The following GDA variants were observed in gnomAD, a reference collection of about 807,000 sequenced individuals.
GDA encodes guanine deaminase, also known as cytoplasmic PSD-95 interactor.
Under a neutral mutation model 59.6 loss-of-function variants are expected in GDA, and 18 were observed. That is an observed-to-expected ratio of 0.30 (90% CI 0.21 to 0.45). The LOEUF is 0.45. Ranked by LOEUF, GDA falls within the 20% of genes least tolerant of loss-of-function variation. The pLI is 1.00. For synonymous variants in GDA, 201 were observed against 201.1 expected, an observed-to-expected ratio of 1.00 and a Z score of 0.00; for missense variants, 427 against 552.3, an observed-to-expected ratio of 0.77 and a Z score of 2.27.
chr9:72,151,612 G>A (rs967756078), intron 1 of GDA, among the ~76,000 whole-genome samples: 1 of 148,568 alleles, frequency 6.7e-6, no homozygotes, highest in African/African-American at 2.5e-5. Context: ...GTTTTTTTTT[G>A]TTTGTTTTTT....
chr9:72,160,539 C>T (rs939841344), intron 1 of GDA, among the ~76,000 whole-genome samples: 2 of 152,168 alleles, frequency 1.3e-5, no homozygotes, highest in African/African-American at 2.4e-5. Context: ...AAAGCTCATC[C>T]ATGTTGTGGC....
chr9:72,211,137 A>T (rs1835304210), intron 4 of GDA, among the ~76,000 whole-genome samples: 1 of 152,208 alleles, frequency 6.6e-6, no homozygotes, highest in East Asian at 1.9e-4. Flanking sequence ...ATATCAGCAG[A>T]TACATGGTGG....
In GDA at chr9:72,227,969, C is replaced by T. The variant is rs1325814709; in HGVS notation, c.849C>T (p.Leu283=). 6.2e-7 allele frequency: 1 copy of T among 1,607,560 alleles called. No homozygotes were observed. The highest frequency in any genetic ancestry group is 2.2e-5 in the East Asian group (1 of 44,860). ...CAGTGATGGCACACGGCTGCTACCT[C>T]TCTGCAGAAGAACTGAACGTATTCC... ...NKTVMAHGCY[L]SAEELNVFHE... The change falls in exon 9 of 14, where the codon CTC becomes CTT. Residue 283 remains leucine, a synonymous_variant. Coordinates refer to ENST00000358399, the MANE Select transcript of GDA (RefSeq NM_004293.5).
intron 1 of GDA, among the ~76,000 whole-genome samples, chr9:72,178,792 A>G (rs1030417857): frequency 2.6e-5 from 4 of 152,126 alleles, no homozygotes; most frequent in Non-Finnish European, 5.9e-5. Context: ...ATCAAGTCTC[A>G]TATGTCTTTA....
Position 72,249,479 on chromosome 9 carries a change from A to T in GDA, c.*1137A>T. ...TGTTTAACTCCTTATAATGTTTAGG[A>T]TATTAAAATTTTAGGATAATGAAGA... is the stretch of plus-strand genomic sequence containing the variant. On this transcript the variant is annotated 3_prime_UTR_variant, in exon 14 of 14. Coordinates refer to ENST00000358399, the MANE Select transcript of GDA (RefSeq NM_004293.5). 1.4e-6 allele frequency: 1 copy of T among 734,234 alleles called. No individual in the cohort carries two copies. Among genetic ancestry groups the T allele is most frequent in the Non-Finnish European group, 1.7e-6 (1 of 600,934 alleles). 45.5% of individuals were successfully genotyped at this position (734,234 alleles called of 1,614,324 possible).
rs750165129 is a variant in GDA at position 72,140,018 on chromosome 9, T to C, written c.-100+25185T>C. Reference sequence around the variant, plus strand: ...CCCATTCACCTTCTTCTGGACACTATATTCCAAGTTCTCTAGGGAACCCCG... The same window carrying C: ...CCCATTCACCTTCTTCTGGACACTACATTCCAAGTTCTCTAGGGAACCCCG... On this transcript the variant is annotated intron_variant, in intron 1 of 13. Transcript: ENST00000545168. Among the ~76,000 whole-genome samples, 39 of 152,152 alleles carry C rather than the reference T, an allele frequency of 2.6e-4. 1 individual carries two copies. The highest frequency in any genetic ancestry group is 5.9e-5 in the Non-Finnish European group (4 of 68,018).
chr9:72,148,875 G>A (rs527443636), upstream of GDA, among the ~76,000 whole-genome samples: 2 of 152,202 alleles, frequency 1.3e-5, no homozygotes, highest in South Asian at 4.1e-4. Flanking sequence ...CATTTTACAC[G>A]AGAAAAATTG....
chr9:72,247,276 T>G lies in GDA; in HGVS notation c.1267-130T>G, dbSNP rs1840249725. The stretch of plus-strand genomic sequence containing the variant: ...AGCACATAGCCACTTCTTTTTTAAT[T>G]AATAGAAGTAGATTTTGCCATTGAG... On this transcript the variant is annotated intron_variant, in intron 12 of 13. Coordinates refer to ENST00000358399, the MANE Select transcript of GDA (RefSeq NM_004293.5). 5.5e-6 allele frequency: 4 copies of G among 722,188 alleles called. No homozygotes were observed. The Admixed American group carries it at 8.1e-5, about 15-fold the overall frequency. 44.7% of individuals were successfully genotyped at this position (722,188 alleles called of 1,614,324 possible).
upstream of GDA, among the ~76,000 whole-genome samples, chr9:72,149,112 T>G (rs538751099): frequency 6.2e-4 from 94 of 152,334 alleles, 2 homozygotes; most frequent in South Asian, 0.019. Context: ...ACCTTTCACC[T>G]GTGCCTGAAC....
intron 1 of GDA, among the ~76,000 whole-genome samples, chr9:72,150,481 G>T (rs770110197): frequency 1.3e-5 from 2 of 152,078 alleles, no homozygotes; most frequent in Non-Finnish European, 1.5e-5. Context: ...GTAACTTGAT[G>T]TCTACTATTT....
At chr9:72,123,612 C>A (rs141847232) in intron 1 of GDA, among the ~76,000 whole-genome samples, 144 of 151,824 alleles carry the variant, frequency 9.5e-4, no homozygotes, top group Middle Eastern at 3.4e-3. Flanking sequence ...CTCAGCCTCC[C>A]GAGTAGTTGG....
chr9:72,152,153 G>A (rs996744114), intron 1 of GDA, among the ~76,000 whole-genome samples: 1 of 152,180 alleles, frequency 6.6e-6, no homozygotes, highest in African/African-American at 2.4e-5. Flanking sequence ...TAGTTTCTGT[G>A]ATGGGACAAG....
At chr9:72,196,951 T>C (rs1289863908) in intron 2 of GDA, among the ~76,000 whole-genome samples, 1 of 152,226 alleles carries the variant, frequency 6.6e-6, no homozygotes, top group Non-Finnish European at 1.5e-5. Flanking sequence ...TAAAATATTT[T>C]ATCTTGTTTC....
intron 8 of GDA, among the ~76,000 whole-genome samples, chr9:72,226,014 T>TGC (rs112320111): frequency 1.4e-5 from 2 of 144,696 alleles, no homozygotes; most frequent in African/African-American, 2.6e-5. Context: ...TGTGTGTGTG[T>TGC]GCGTGTGTGT....
chr9:72,184,017 C>T (rs1199569368), intron 1 of GDA, among the ~76,000 whole-genome samples: 1 of 152,160 alleles, frequency 6.6e-6, no homozygotes, highest in Non-Finnish European at 1.5e-5. Flanking sequence ...ATTACTATTA[C>T]AAATCTTGAA....
chr9:72,176,906 G>C (rs908272924), intron 1 of GDA, among the ~76,000 whole-genome samples: 7 of 151,960 alleles, frequency 4.6e-5, no homozygotes, highest in Admixed American at 2.0e-4. Flanking sequence ...TTCTGATTCA[G>C]TTTATCCTTC....
intron 1 of GDA, among the ~76,000 whole-genome samples, chr9:72,116,702 C>T (rs1587283383): frequency 2.6e-5 from 4 of 152,138 alleles, no homozygotes; most frequent in Middle Eastern, 3.4e-3. Context: ...GTTTTCTATC[C>T]TCAATGATCT....
intron 2 of GDA, among the ~76,000 whole-genome samples, chr9:72,201,228 T>C (rs1833971553): frequency 2.0e-5 from 3 of 151,404 alleles, no homozygotes. Context: ...AATATCTAAC[T>C]GCTGATTTAT....
intron 1 of GDA, among the ~76,000 whole-genome samples, chr9:72,137,703 G>T (rs7044672): frequency 6.6e-6 from 1 of 152,028 alleles, no homozygotes; most frequent in Non-Finnish European, 1.5e-5. Flanking sequence ...ATAACTTTGT[G>T]GTGGGAGGCT....
Sources: gnomAD v4.1 joint callset for allele counts (sites outside exome capture counted in the v4.1 genomes callset) on GRCh38, gnomAD v4.1.1 for gene constraint, MANE v1.5 for transcripts, NCBI Gene and HGNC (gene_info 2026-07-23, HGNC 2026-07-21) for gene names.